CATSPER2: variants seen among roughly 807,000 people sequenced by gnomAD.
CATSPER2 encodes the protein cation channel sperm-associated protein 2.
CATSPER2 carries 56 observed loss-of-function variants against 68.8 expected under a neutral mutation model. The ratio of observed to expected loss-of-function variants is 0.81; its 90% CI spans 0.66 to 1.02. The LOEUF (loss-of-function observed/expected upper bound fraction) is 1.02. Ranked by LOEUF, CATSPER2 falls within the 50% of genes least tolerant of loss-of-function variation. The pLI is 0.00. For synonymous variants in CATSPER2, 198 were observed against 229.9 expected (o/e 0.86, Z 1.26); for missense variants, 582 against 642.0 (o/e 0.91, Z 1.01).
intron 9 of CATSPER2, 35 bp downstream of exon 9, chr15:43,635,692 G>C: frequency 6.3e-7 from 1 of 1,583,942 alleles, no homozygotes; most frequent in Non-Finnish European, 8.7e-7. Flanking sequence ...AAACCCTTGA[G>C]AAGGAAAGTT....
chr15:43,639,101 A>C, intron 6 of CATSPER2, 73 bp from the exon 7 acceptor site: 96 of 1,573,130 alleles, frequency 6.1e-5, no homozygotes, highest in Non-Finnish European at 7.7e-5. Context: ...AGTCAAGCTC[A>C]CCTGGCAATC....
rs370658875 is a variant in CATSPER2, at chr15:43,635,349, A to G, written c.1178+11T>C. On this transcript the variant is annotated intron_variant, in intron 10 of 12. Coordinates refer to ENST00000396879, the MANE Select transcript of CATSPER2 (RefSeq NM_172095.4). The stretch of plus-strand genomic sequence containing the variant: ...TGTGTTTCTATCCCAGTTCACATAC[A>G]TACTCCTAACCTGTCCTCTATTTTG... 6 of 1,606,138 alleles carry G rather than the reference A, an allele frequency of 3.7e-6. No homozygotes were observed. The African/African-American group carries it at 6.7e-5, about 18-fold the overall frequency.
chr15:43,647,208 G>C, intron 3 of CATSPER2, 86 bp downstream of exon 3: 3 of 1,567,034 alleles, frequency 1.9e-6, no homozygotes, highest in South Asian at 2.2e-5. Context: ...CAGTGAAAAT[G>C]AGACAGTGGA....
intron 7 of CATSPER2, among the ~76,000 whole-genome samples, chr15:43,636,590 C>T (rs1486041851): frequency 6.6e-6 from 1 of 151,324 alleles, no homozygotes; most frequent in Non-Finnish European, 1.5e-5. Context: ...GGGGTTTTGT[C>T]ATGTTGGCCA....
At chr15:43,644,100 A>T (rs1368959223) in intron 4 of CATSPER2, among the ~76,000 whole-genome samples, 1 of 152,066 alleles carries the variant, frequency 6.6e-6, no homozygotes, top group Non-Finnish European at 1.5e-5. Context: ...TGAGATTTTT[A>T]AAATAAGCCA....
chr15:43,644,459 C>A (rs1187035441), intron 4 of CATSPER2, among the ~76,000 whole-genome samples: 6 of 151,898 alleles, frequency 4.0e-5, no homozygotes, highest in Admixed American at 3.3e-4. Flanking sequence ...ATAGTTAGTG[C>A]TATTCTATTT....
At chr15:43,638,880 C>T (rs370694104) in intron 7 of CATSPER2, 24 bp downstream of exon 7, 13 of 1,611,898 alleles carry the variant, frequency 8.1e-6, no homozygotes, top group South Asian at 4.4e-5. Flanking sequence ...CTCCCCTCAC[C>T]CAGCTGTCCC....
At chr15:43,634,136 T>C (rs1221788412) in intron 10 of CATSPER2, 2 of 152,002 alleles carry the variant, frequency 1.3e-5, no homozygotes, top group Non-Finnish European at 2.9e-5. Flanking sequence ...GTAAGCTCCA[T>C]GAAGCAGGCA....
At chr15:43,631,622 G>A in intron 12 of CATSPER2, 1 of 274,402 alleles carries the variant, frequency 3.6e-6, no homozygotes, top group South Asian at 3.8e-5. Flanking sequence ...ATAGTTCCCA[G>A]TTTACATCAA....
In CATSPER2 at chr15:43,648,681, C is replaced by T; in HGVS notation, c.-55G>A. 3 of 1,440,784 alleles carry T rather than the reference C, an allele frequency of 2.1e-6. No homozygotes were observed. The highest frequency in any genetic ancestry group is 2.7e-6 in the Non-Finnish European group (3 of 1,100,492). The allele number at this position is 1,440,784 out of a possible 1,614,324, so 89.2% of individuals were successfully genotyped here. A position where few individuals can be genotyped will look rare whatever the true frequency, so the allele number is the denominator to read the frequency against. ...AGTCCTTATTTCACGCTTCCGCCTC[C>T]AGCTCAGGTGCCCCGAGCCTGGCTA... On this transcript the variant is annotated 5_prime_UTR_variant, in exon 1 of 13. Coordinates refer to ENST00000396879, the MANE Select transcript of CATSPER2 (RefSeq NM_172095.4).
rs746105797 is a variant in CATSPER2, at chr15:43,635,750, C to G, written c.1098G>C (p.Met366Ile). The change falls in exon 9 of 13, where the codon ATG becomes ATC. Residue 366 changes from methionine to isoleucine, a missense_variant. Physicochemically the swap from Met to Ile is conservative, Grantham distance 10. Coordinates refer to ENST00000396879, the MANE Select transcript of CATSPER2 (RefSeq NM_172095.4). ...ARREVQLKAD[M>I]FKRQIIQRRK... The stretch of plus-strand genomic sequence containing the variant: ...ACCTCTGGATGATCTGCCGCTTGAA[C>G]ATGTCAGCTTTGAGCTGAACCTCCC... 33 of 1,613,314 alleles carry G rather than the reference C, an allele frequency of 2.0e-5. 1 individual carries two copies. The highest frequency in any genetic ancestry group is 2.5e-5 in the Non-Finnish European group (29 of 1,179,670).
chr15:43,635,699 A>G (rs1567127152), intron 9 of CATSPER2, 28 bp downstream of exon 9: 1 of 1,596,598 alleles, frequency 6.3e-7, no homozygotes. Flanking sequence ...TGAGAAGGAA[A>G]GTTGGGGTTG....
At chr15:43,647,773 A>C (rs1210978742) in intron 2 of CATSPER2, 144 bp downstream of exon 2, 2 of 935,270 alleles carry the variant, frequency 2.1e-6, no homozygotes, top group South Asian at 1.4e-5. Flanking sequence ...CGTGGATTCT[A>C]TCTCTTCAGT....
At chr15:43,639,829 T>G (rs781676091) in intron 5 of CATSPER2, 31 bp from the exon 6 acceptor site, 1 of 1,609,758 alleles carries the variant, frequency 6.2e-7, no homozygotes, top group Non-Finnish European at 8.5e-7. Context: ...ATAAGTAAAA[T>G]ACACCCCAAG....
chr15:43,641,692 A>C (rs1406855910), intron 4 of CATSPER2, among the ~76,000 whole-genome samples: 1 of 151,816 alleles, frequency 6.6e-6, no homozygotes, highest in Non-Finnish European at 1.5e-5. Flanking sequence ...AAACCAATGG[A>C]GTTACGCTAT....
intron 4 of CATSPER2, among the ~76,000 whole-genome samples, chr15:43,644,556 T>C (rs1358472750): frequency 5.3e-5 from 8 of 152,088 alleles, no homozygotes; most frequent in African/African-American, 1.7e-4. Flanking sequence ...AACCCGGCCA[T>C]GCAGCAGGAA....
In CATSPER2 at chr15:43,629,891, A is replaced by G. The variant is rs2141541048; in HGVS notation, c.*810T>C. The stretch of plus-strand genomic sequence containing the variant: ...CATGAGTGGAACACGCAATGGAAAC[A>G]ATACTTCTCAATTAGTTACACTAAC... On this transcript the variant is annotated 3_prime_UTR_variant, in exon 13 of 13. Coordinates refer to ENST00000396879, the MANE Select transcript of CATSPER2 (RefSeq NM_172095.4). The G allele has an allele frequency of 6.6e-6, 1 of 151,980 alleles. No homozygotes were observed. Among genetic ancestry groups the G allele is most frequent in the Middle Eastern group, 3.4e-3 (1 of 294 alleles). The allele number at this position is 151,980 out of a possible 1,614,324, so 9.4% of individuals were successfully genotyped here.
intron 11 of CATSPER2, 176 bp downstream of exon 11, chr15:43,632,541 C>T (rs2085893366): frequency 6.9e-7 from 1 of 1,446,670 alleles, no homozygotes; most frequent in East Asian, 2.3e-5. Context: ...GCCACAGCCA[C>T]ACTTACCCGA....
chr15:43,646,363 C>T (rs529527222), intron 4 of CATSPER2, among the ~76,000 whole-genome samples: 2 of 151,504 alleles, frequency 1.3e-5, no homozygotes, highest in Admixed American at 6.6e-5. Flanking sequence ...CACGATCAAG[C>T]GTCCTCCTGC....
Sources: gnomAD v4.1 joint callset for allele counts (sites outside exome capture counted in the v4.1 genomes callset) on GRCh38, gnomAD v4.1.1 for gene constraint, MANE v1.5 for transcripts, NCBI Gene and HGNC (gene_info 2026-07-23, HGNC 2026-07-21) for gene names.